The following COG5 variants were observed in gnomAD, a reference collection of about 807,000 sequenced individuals.
COG5 encodes conserved oligomeric Golgi complex subunit 5.
In COG5, 86 loss-of-function variants were observed where a neutral mutation model predicts 110.4. The ratio of observed to expected loss-of-function variants is 0.78; its 90% CI spans 0.65 to 0.93. The LOEUF is 0.93. Ranked by LOEUF, COG5 falls within the 40% of genes least tolerant of loss-of-function variation. The pLI is 0.00. For synonymous variants in COG5, 360 were observed against 334.6 expected (o/e 1.08, Z -0.83); for missense variants, 1,077 against 987.0 (o/e 1.09, Z -1.22).
rs1428549975 is a variant in COG5, at chr7:107,532,651, TATATAA to T, written c.418-5300_418-5295del. The stretch of plus-strand genomic sequence containing the variant: ...GTAGAGGATTTAGCCTTCTTACATC[TATATAA>T]ATATAAACAGTATATAATTTCTTCC... On this transcript the variant is annotated intron_variant, in intron 5 of 21. Transcript: ENST00000297135. Among the ~76,000 whole-genome samples the T allele has an allele frequency of 7.2e-5, 11 of 152,296 alleles. No individual in the cohort carries two copies. The South Asian group carries it at 1.0e-3, about 14-fold the overall frequency.
At chr7:107,218,696 A>T (rs1003687878) in intron 19 of COG5, among the ~76,000 whole-genome samples, 2 of 152,140 alleles carry the variant, frequency 1.3e-5, no homozygotes, top group African/African-American at 4.8e-5. Context: ...ATAAAAAATC[A>T]ATTCAAAAAC....
At chr7:107,317,909 G>A (rs1231915142) in intron 11 of COG5, among the ~76,000 whole-genome samples, 2 of 152,098 alleles carry the variant, frequency 1.3e-5, no homozygotes, top group Non-Finnish European at 2.9e-5. Flanking sequence ...GATTTCCTTA[G>A]TTTACCTTCT....
At chr7:107,406,889 T>A (rs968950494) in intron 7 of COG5, among the ~76,000 whole-genome samples, 4 of 152,282 alleles carry the variant, frequency 2.6e-5, no homozygotes, top group African/African-American at 9.6e-5. Flanking sequence ...AGGTTTCCCA[T>A]TAGATTAATA....
At chr7:107,340,619 G>GTAAAAATTC (rs1400263823) in intron 10 of COG5, among the ~76,000 whole-genome samples, 2 of 152,092 alleles carry the variant, frequency 1.3e-5, no homozygotes, top group Non-Finnish European at 2.9e-5. Flanking sequence ...AAACATAGAT[G>GTAAAAATTC]TAAAAATTCC....
intron 5 of COG5, among the ~76,000 whole-genome samples, chr7:107,527,582 A>T (rs949455330): frequency 3.9e-5 from 6 of 152,110 alleles, no homozygotes; most frequent in African/African-American, 1.4e-4. Flanking sequence ...TCCAGATGCT[A>T]AAGATTCACT....
intron 7 of COG5, among the ~76,000 whole-genome samples, chr7:107,397,135 A>G (rs1791074430): frequency 6.6e-6 from 1 of 152,222 alleles, no homozygotes. Context: ...TCTTCTTGAT[A>G]GCTAGGCTGG....
chr7:107,563,111 G>C (rs571681218), intron 1 of COG5, among the ~76,000 whole-genome samples: 1 of 152,274 alleles, frequency 6.6e-6, no homozygotes, highest in East Asian at 1.9e-4. Flanking sequence ...ATGGTAACTG[G>C]ATTGACACAA....
At chr7:107,413,552 AC>A (rs201182887) in intron 6 of COG5, among the ~76,000 whole-genome samples, 239 of 151,318 alleles carry the variant, frequency 1.6e-3, no homozygotes, top group African/African-American at 5.2e-3. Context: ...AAAAAAAAAA[AC>A]CAGGAAAAAA....
At chr7:107,541,523 A>AAATATAT (rs60423657) in intron 5 of COG5, among the ~76,000 whole-genome samples, 17 of 57,018 alleles carry the variant, frequency 3.0e-4, no homozygotes, top group African/African-American at 4.7e-4. Context: ...AAAAAAAAAA[A>AAATATAT]ATATATATAT....
intron 10 of COG5, among the ~76,000 whole-genome samples, 175 bp downstream of exon 10, chr7:107,361,858 C>A (rs557346463): frequency 3.9e-5 from 6 of 152,338 alleles, no homozygotes; most frequent in Admixed American, 1.3e-4. Context: ...CCACGCCCAG[C>A]CCCATGATTA....
intron 6 of COG5, among the ~76,000 whole-genome samples, chr7:107,517,225 A>G (rs1799984612): frequency 6.6e-6 from 1 of 152,214 alleles, no homozygotes; most frequent in Non-Finnish European, 1.5e-5. Flanking sequence ...CGAATAGATC[A>G]AGTGGAAGAA....
At chr7:107,392,357 C>CA (rs1475730350) in intron 7 of COG5, among the ~76,000 whole-genome samples, 1 of 151,786 alleles carries the variant, frequency 6.6e-6, no homozygotes, top group African/African-American at 2.4e-5. Context: ...TACTTTTCCC[C>CA]AAAAAAATGT....
intron 7 of COG5, among the ~76,000 whole-genome samples, chr7:107,411,104 A>C (rs1485169031): frequency 6.6e-6 from 1 of 152,320 alleles, no homozygotes; most frequent in East Asian, 1.9e-4. Context: ...AGATGAAAAC[A>C]ACCATATGAG....
In COG5 at chr7:107,483,040, T is replaced by G. The variant is rs145186622; in HGVS notation, c.538+44197A>C. ...TGTTTTGAAGAAATGCCATTCAGGT[T>G]AGGTAGAGGTTTGAATCAAACATTT... On this transcript the variant is annotated intron_variant, in intron 6 of 21. Transcript: ENST00000297135. 2.8e-3 allele frequency among the ~76,000 whole-genome samples: 424 copies of G among 152,314 alleles called. 1 individual carries two copies. The highest frequency in any genetic ancestry group is 9.6e-3 in the African/African-American group (399 of 41,586).
intron 10 of COG5, among the ~76,000 whole-genome samples, chr7:107,357,348 A>T (rs905698081): frequency 6.6e-6 from 1 of 152,140 alleles, no homozygotes; most frequent in Non-Finnish European, 1.5e-5. Flanking sequence ...GACTTTTCAC[A>T]AAAGACTGAT....
intron 6 of COG5, among the ~76,000 whole-genome samples, chr7:107,486,495 A>G (rs938894274): frequency 6.6e-6 from 1 of 152,160 alleles, no homozygotes; most frequent in Non-Finnish European, 1.5e-5. Context: ...TGCCTTACAA[A>G]TTACTCAAAG....
intron 6 of COG5, among the ~76,000 whole-genome samples, chr7:107,427,744 G>A (rs1332700928): frequency 6.6e-6 from 1 of 151,902 alleles, no homozygotes; most frequent in African/African-American, 2.4e-5. Flanking sequence ...GGCTGGGATT[G>A]CCCCAGCCCA....
chr7:107,420,705 C>T (rs1030392280), intron 6 of COG5, among the ~76,000 whole-genome samples: 1 of 152,232 alleles, frequency 6.6e-6, no homozygotes, highest in Non-Finnish European at 1.5e-5. Flanking sequence ...TCGTGATCCA[C>T]CCGCCTCGGC....
chr7:107,536,626 T>C (rs1024329563), intron 5 of COG5, among the ~76,000 whole-genome samples: 90 of 152,270 alleles, frequency 5.9e-4, no homozygotes, highest in African/African-American at 2.1e-3. Context: ...CACGAACAAA[T>C]GGAAAAACAT....
Sources: gnomAD v4.1 joint callset for allele counts (sites outside exome capture counted in the v4.1 genomes callset) on GRCh38, gnomAD v4.1.1 for gene constraint, MANE v1.5 for transcripts, NCBI Gene and HGNC (gene_info 2026-07-23, HGNC 2026-07-21) for gene names.